Variants in ZSWIM2 observed in about 807,000 individuals in gnomAD.
ZSWIM2 encodes the protein E3 ubiquitin-protein ligase ZSWIM2.
Under a neutral mutation model 48.4 loss-of-function variants are expected in ZSWIM2, and 38 were observed. The ratio of observed to expected loss-of-function variants is 0.79; its 90% CI spans 0.61 to 1.03. ZSWIM2 has a LOEUF of 1.03. Among genes scored for constraint, ZSWIM2 ranks in the 50% least tolerant of loss-of-function variants. ZSWIM2 has a pLI of 0.00. For missense variants in ZSWIM2, 776 were observed against 730.2 expected, an observed-to-expected ratio of 1.06 and a Z score of -0.72; for synonymous variants, 240 against 251.3, an observed-to-expected ratio of 0.96 and a Z score of 0.42.
At position 186,833,125 on chromosome 2, in the gene ZSWIM2, CT is replaced by C. The variant is rs1691732766; in HGVS notation, c.935del (p.Lys312SerfsTer12). The part of the protein sequence containing the change: ...IEEKMSHFQE[K>X]QGQVYTPKHI... ...AAATTTACTGGGAACCTCACCCTTG[CT>C]TTTCTTGAAAATGTGACATCTTTTC... On this transcript the variant is annotated frameshift_variant, in exon 7 of 9. Coordinates refer to ENST00000295131, the MANE Select transcript of ZSWIM2 (RefSeq NM_182521.3). LOFTEE classifies it high-confidence loss of function. The C allele has an allele frequency of 1.1e-5, 16 of 1,461,868 alleles. No homozygotes were observed. Among genetic ancestry groups the C allele is most frequent in the Non-Finnish European group, 1.5e-5 (16 of 1,088,226 alleles). The allele number at this position is 1,461,868 out of a possible 1,614,324, so 90.6% of individuals were successfully genotyped here.
intron 3 of ZSWIM2, among the ~76,000 whole-genome samples, chr2:186,843,127 G>A (rs1217855429): frequency 6.6e-6 from 1 of 151,500 alleles, no homozygotes; most frequent in Non-Finnish European, 1.5e-5. Context: ...CTTATAATAT[G>A]GCTACTAGAA....
intron 6 of ZSWIM2, 102 bp from the exon 7 acceptor site, chr2:186,833,334 A>T: frequency 1.8e-6 from 1 of 543,894 alleles, no homozygotes; most frequent in South Asian, 2.7e-5. Flanking sequence ...AACAATACAC[A>T]ATATTTTAAG....
chr2:186,848,677 T>G, intron 1 of ZSWIM2: 1 of 315,356 alleles, frequency 3.2e-6, no homozygotes, highest in South Asian at 4.5e-5. Context: ...GCCAACCAGG[T>G]ATTCATACGC....
intron 2 of ZSWIM2, among the ~76,000 whole-genome samples, chr2:186,845,615 T>C (rs1371668505): frequency 6.6e-6 from 1 of 151,460 alleles, no homozygotes; most frequent in Non-Finnish European, 1.5e-5. Flanking sequence ...TCATAATCTT[T>C]TCTTAATTTC....
intron 4 of ZSWIM2, 99 bp from the exon 5 acceptor site, chr2:186,837,653 A>C: frequency 2.3e-6 from 1 of 425,998 alleles, no homozygotes; most frequent in Non-Finnish European, 3.2e-6. Flanking sequence ...ATATAAATAA[A>C]ATTTCCTGTG....
At chr2:186,841,238 C>T (rs1159591302) in intron 3 of ZSWIM2, among the ~76,000 whole-genome samples, 1 of 151,354 alleles carries the variant, frequency 6.6e-6, no homozygotes, top group Non-Finnish European at 1.5e-5. Context: ...AACCTTGTAT[C>T]TGGTATTTTT....
intron 3 of ZSWIM2, among the ~76,000 whole-genome samples, chr2:186,840,042 A>G (rs968245533): frequency 3.8e-3 from 6 of 1,592 alleles, no homozygotes; most frequent in African/African-American, 4.5e-3. Flanking sequence ...TTTTTCTGGA[A>G]AGACCCCCCC....
intron 5 of ZSWIM2, among the ~76,000 whole-genome samples, chr2:186,834,642 C>G (rs1393468250): frequency 6.6e-6 from 1 of 152,186 alleles, no homozygotes; most frequent in Non-Finnish European, 1.5e-5. Flanking sequence ...TTCCAAAAAA[C>G]TGGTCGCTGG....
intron 3 of ZSWIM2, among the ~76,000 whole-genome samples, 184 bp downstream of exon 3, chr2:186,844,533 T>C (rs1691961343): frequency 6.6e-6 from 1 of 151,552 alleles, no homozygotes; most frequent in Non-Finnish European, 1.5e-5. Flanking sequence ...AAGTTACATT[T>C]TTTTAAAGAT....
rs773964004 is a variant in ZSWIM2, at chr2:186,833,075, AAG to A, written c.941+43_941+44del. The A allele has an allele frequency of 3.5e-6, 3 of 847,430 alleles. No homozygotes were observed. The East Asian group carries it at 8.5e-5, about 24-fold the overall frequency. 52.5% of individuals were successfully genotyped at this position (847,430 alleles called of 1,614,324 possible). A position where few individuals can be genotyped will look rare whatever the true frequency, so the allele number is the denominator to read the frequency against. ...CTTATTCAAATTGAGAAGTTATTCA[AAG>A]ATTCTGTCATACAACAAATATAAAA... is the stretch of plus-strand genomic sequence containing the variant. On this transcript the variant is annotated intron_variant, in intron 7 of 8. Transcript: ENST00000295131.
intron 7 of ZSWIM2, among the ~76,000 whole-genome samples, chr2:186,831,366 T>C (rs904555292): frequency 5.3e-5 from 8 of 150,870 alleles, no homozygotes; most frequent in Non-Finnish European, 1.2e-4. Context: ...TGTGTGGGGG[T>C]ACAGGTGTAT....
At chr2:186,848,818 T>C (rs1692049121) in intron 1 of ZSWIM2, 148 bp downstream of exon 1, 5 of 982,072 alleles carry the variant, frequency 5.1e-6, no homozygotes, top group Non-Finnish European at 6.3e-6. Flanking sequence ...TTTTAGAGTC[T>C]GGAACACTCG....
intron 2 of ZSWIM2, among the ~76,000 whole-genome samples, chr2:186,845,292 A>G (rs1253962604): frequency 3.3e-5 from 5 of 151,562 alleles, no homozygotes; most frequent in Admixed American, 6.6e-5. Context: ...AAGCACTTTG[A>G]TTATATTTCC....
chr2:186,837,313 A>T lies in ZSWIM2; in HGVS notation c.736T>A (p.Cys246Ser). The T allele has an allele frequency of 6.2e-7, 1 of 1,612,628 alleles. No individual in the cohort carries two copies. Among genetic ancestry groups the T allele is most frequent in the Non-Finnish European group, 8.5e-7 (1 of 1,179,068 alleles). Residue 246 changes from cysteine (C) to serine (S), a missense_variant, in exon 5 of 9, where the codon TGT (cysteine) becomes AGT (serine). Coordinates refer to ENST00000295131, the MANE Select transcript of ZSWIM2 (RefSeq NM_182521.3). ...TTTACGGATAACACTTACTTATAAC[A>T]CTTCCCCTCAATTGGAAACTGTTTG... Reference protein sequence around the residue: ...NCKQFPIEGKCYKCTECIEYH... With the variant: ...NCKQFPIEGKSYKCTECIEYH...
At chr2:186,845,176 A>AT (rs202240609) in intron 2 of ZSWIM2, among the ~76,000 whole-genome samples, 2 of 151,336 alleles carry the variant, frequency 1.3e-5, no homozygotes, top group East Asian at 1.9e-4. Flanking sequence ...GATATAAAAA[A>AT]ATTTTTTTTA....
chr2:186,833,300 A>AGTTG, intron 6 of ZSWIM2, 68 bp from the exon 7 acceptor site: 2 of 708,842 alleles, frequency 2.8e-6, no homozygotes, highest in Non-Finnish European at 4.6e-6. Context: ...GAGAAAAATT[A>AGTTG]GTTGGTTGCG....
At chr2:186,845,146 CAT>C (rs1036422759) in intron 2 of ZSWIM2, among the ~76,000 whole-genome samples, 6 of 151,282 alleles carry the variant, frequency 4.0e-5, no homozygotes, top group African/African-American at 1.4e-4. Context: ...TGTTTTCCTA[CAT>C]ATACCTCTCT....
At chr2:186,829,426 T>C (rs144810216) in intron 8 of ZSWIM2, among the ~76,000 whole-genome samples, 2 of 152,178 alleles carry the variant, frequency 1.3e-5, no homozygotes, top group East Asian at 3.9e-4. Context: ...ATATTAGTAT[T>C]CTATAACCTT....
intron 3 of ZSWIM2, among the ~76,000 whole-genome samples, chr2:186,842,262 ATGTT>A: frequency 6.6e-6 from 1 of 151,446 alleles, no homozygotes; most frequent in South Asian, 2.1e-4. Flanking sequence ...TTTTTCATGT[ATGTT>A]TATTCTAGCT....
Sources: allele counts gnomAD v4.1 joint callset (sites outside exome capture counted in the v4.1 genomes callset), GRCh38; gene constraint gnomAD v4.1.1; transcripts MANE v1.5; gene names NCBI Gene and HGNC (gene_info 2026-07-23, HGNC 2026-07-21).